The following UBR1 variants were observed in gnomAD, a reference collection of about 807,000 sequenced individuals.
UBR1 encodes E3 ubiquitin-protein ligase UBR1.
Under a neutral mutation model 242.1 loss-of-function variants are expected in UBR1, and 102 were observed. The ratio of observed to expected loss-of-function variants is 0.42; its 90% CI spans 0.36 to 0.50. UBR1 has a LOEUF of 0.50. Ranked by LOEUF, UBR1 falls within the 20% of genes least tolerant of loss-of-function variation. The probability of loss-of-function intolerance (pLI) is 0.01; values close to 1 mark genes in which losing one functional copy is unlikely to be tolerated. For missense variants in UBR1, 1,772 were observed against 2,101.8 expected (o/e 0.84, Z 3.07); for synonymous variants, 675 against 684.8 (o/e 0.99, Z 0.22).
In UBR1 at chr15:42,943,116, A is replaced by G. The variant is rs919351843; in HGVS notation, c.*2213T>C. The G allele has an allele frequency of 3.9e-5, 6 of 152,656 alleles. No individual in the cohort carries two copies. Among genetic ancestry groups the G allele is most frequent in the African/African-American group, 1.4e-4 (6 of 41,448 alleles). 9.5% of individuals were successfully genotyped at this position (152,656 alleles called of 1,614,324 possible). A position where few individuals can be genotyped will look rare whatever the true frequency, so the allele number is the denominator to read the frequency against. On this transcript the variant is annotated 3_prime_UTR_variant, in exon 47 of 47. Transcript: ENST00000290650. The stretch of plus-strand genomic sequence containing the variant: ...AAATGCATAGTTGTTATGAAATGAC[A>G]AATGACCACTAAAAGGTGAACTCAC...
chr15:43,072,715 A>C (rs2033838068), intron 4 of UBR1, among the ~76,000 whole-genome samples: 1 of 152,206 alleles, frequency 6.6e-6, no homozygotes, highest in Non-Finnish European at 1.5e-5. Context: ...GTTTGTTGAA[A>C]TATTTTTATC....
At chr15:43,049,029 G>A (rs2141327961) in intron 12 of UBR1, among the ~76,000 whole-genome samples, 1 of 152,226 alleles carries the variant, frequency 6.6e-6, no homozygotes, top group Non-Finnish European at 1.5e-5. Context: ...TATTTCTTTT[G>A]GCTGTAAAGA....
intron 26 of UBR1, among the ~76,000 whole-genome samples, chr15:43,022,444 A>C (rs1361340992): frequency 1.3e-5 from 2 of 152,122 alleles, no homozygotes; most frequent in African/African-American, 4.8e-5. Flanking sequence ...CCAAAAAAAA[A>C]AAAAAGTGGG....
intron 12 of UBR1, among the ~76,000 whole-genome samples, chr15:43,052,030 G>C (rs1050256474): frequency 6.6e-6 from 1 of 152,118 alleles, no homozygotes; most frequent in African/African-American, 2.4e-5. Context: ...TACCCCATGA[G>C]ATACCTCCCA....
At chr15:43,006,091 TAA>T (rs1257692507) in intron 30 of UBR1, among the ~76,000 whole-genome samples, 1 of 71,636 alleles carries the variant, frequency 1.4e-5, no homozygotes. Context: ...CAATAAATAC[TAA>T]AAAAAAAAAA....
intron 27 of UBR1, among the ~76,000 whole-genome samples, chr15:43,019,581 G>GTT (rs1248631700): frequency 1.9e-4 from 26 of 135,488 alleles, no homozygotes; most frequent in Non-Finnish European, 2.6e-4. Flanking sequence ...CTGGCTTCAG[G>GTT]TTTTTTTTTT....
intron 35 of UBR1, among the ~76,000 whole-genome samples, chr15:42,986,490 A>G (rs769770518): frequency 7.9e-5 from 12 of 152,186 alleles, no homozygotes; most frequent in African/African-American, 1.7e-4. Flanking sequence ...CCTAATGCTT[A>G]TCTTCCCCAA....
chr15:43,028,186 T>C (rs1322653855), intron 21 of UBR1, among the ~76,000 whole-genome samples: 1 of 152,198 alleles, frequency 6.6e-6, no homozygotes, highest in Admixed American at 6.5e-5. Flanking sequence ...TTTATGTACA[T>C]GCCCATGCTG....
At chr15:42,993,232 G>A (rs778937573) in intron 33 of UBR1, among the ~76,000 whole-genome samples, 4 of 152,084 alleles carry the variant, frequency 2.6e-5, no homozygotes, top group Non-Finnish European at 2.9e-5. Context: ...CTCACTACCC[G>A]TAATGATAAT....
chr15:43,026,618 T>C lies in UBR1; in HGVS notation c.2478A>G (p.Glu826=). ...AGTACATATTGAAGTCTTTCAGTGA[T>C]TCATCTTTTAGTTCATAAACTCCAT... The part of the protein sequence containing the change: ...SGHGVYELKD[E]SLKDFNMYFY... Residue 826 remains glutamate, a synonymous_variant, in exon 23 of 47, where the codon GAA becomes GAG. Coordinates refer to ENST00000290650, the MANE Select transcript of UBR1 (RefSeq NM_174916.3). The C allele has an allele frequency of 4.3e-6, 7 of 1,613,362 alleles. No individual in the cohort carries two copies. The highest frequency in any genetic ancestry group is 5.9e-6 in the Non-Finnish European group (7 of 1,179,740).
intron 15 of UBR1, among the ~76,000 whole-genome samples, chr15:43,042,009 C>G (rs962480550): frequency 1.3e-5 from 2 of 151,948 alleles, no homozygotes; most frequent in Non-Finnish European, 2.9e-5. Context: ...TGGTTATTAT[C>G]TGGGGGGGAA....
intron 14 of UBR1, among the ~76,000 whole-genome samples, chr15:43,046,066 AAAG>A (rs1281633238): frequency 2.6e-5 from 4 of 152,218 alleles, no homozygotes; most frequent in Non-Finnish European, 5.9e-5. Context: ...GCCAGACTGT[AAAG>A]AAGTGTTAGG....
chr15:43,060,646 T>C (rs1442871152), intron 6 of UBR1, among the ~76,000 whole-genome samples: 2 of 152,152 alleles, frequency 1.3e-5, no homozygotes, highest in South Asian at 4.1e-4. Flanking sequence ...ATATGTGCCA[T>C]GTGAAAAAAG....
chr15:42,959,678 A>T (rs1243642518), intron 43 of UBR1, among the ~76,000 whole-genome samples: 2 of 152,202 alleles, frequency 1.3e-5, no homozygotes, highest in African/African-American at 4.8e-5. Context: ...ATATGTATTC[A>T]TATCTTAAAC....
At chr15:43,072,002 C>T (rs2033829614) in intron 4 of UBR1, among the ~76,000 whole-genome samples, 1 of 152,178 alleles carries the variant, frequency 6.6e-6, no homozygotes, top group Admixed American at 6.5e-5. Flanking sequence ...CCACCTCAGC[C>T]TCCTGAGTAA....
At position 43,086,381 on chromosome 15, in the gene UBR1, G is replaced by T. The variant is rs377653262; in HGVS notation, c.82-141C>A. ...TTTCACCAATACAGAAGGAAAGTGG[G>T]TGATTAAAAAAATTAAGCTTGGAAA... On this transcript the variant is annotated intron_variant, in intron 1 of 46. Coordinates refer to ENST00000290650, the MANE Select transcript of UBR1 (RefSeq NM_174916.3). 2.1e-5 allele frequency: 20 copies of T among 948,312 alleles called. No homozygotes were observed. The African/African-American group carries it at 2.9e-4, about 14-fold the overall frequency. The allele number at this position is 948,312 out of a possible 1,614,324, so 58.7% of individuals were successfully genotyped here. A position where few individuals can be genotyped will look rare whatever the true frequency, so the allele number is the denominator to read the frequency against.
At chr15:42,949,680 T>G (rs1373453992) in intron 46 of UBR1, among the ~76,000 whole-genome samples, 1 of 150,912 alleles carries the variant, frequency 6.6e-6, no homozygotes, top group Non-Finnish European at 1.5e-5. Flanking sequence ...ATGCCTGTAG[T>G]CCCAGCTACT....
intron 3 of UBR1, among the ~76,000 whole-genome samples, chr15:43,076,138 C>A (rs2033888166): frequency 7.4e-6 from 1 of 135,756 alleles, no homozygotes; most frequent in South Asian, 2.4e-4. Flanking sequence ...CCACGCCTGA[C>A]TGGTTTTCGT....
chr15:42,999,999 C>G (rs973547571), intron 32 of UBR1, among the ~76,000 whole-genome samples: 5 of 152,032 alleles, frequency 3.3e-5, no homozygotes, highest in African/African-American at 1.2e-4. Flanking sequence ...TGGAAATGTA[C>G]TATGACTGGT....
Sources: allele counts gnomAD v4.1 joint callset (sites outside exome capture counted in the v4.1 genomes callset), GRCh38; gene constraint gnomAD v4.1.1; transcripts MANE v1.5; gene names NCBI Gene and HGNC (gene_info 2026-07-23, HGNC 2026-07-21).